Variants in TBL1XR1 observed in about 807,000 individuals in gnomAD.
The protein encoded by TBL1XR1 is TBL1X/Y related 1.
Under a neutral mutation model 66.9 loss-of-function variants are expected in TBL1XR1, and 5 were observed. That is an observed-to-expected ratio of 0.07 (90% CI 0.04 to 0.16). The LOEUF (loss-of-function observed/expected upper bound fraction) is 0.16. TBL1XR1 is among the 10% of genes least tolerant of loss of function. The pLI is 1.00. For synonymous variants in TBL1XR1, 210 were observed against 206.0 expected (o/e 1.02, Z -0.17); for missense variants, 238 against 623.2 (o/e 0.38, Z 6.58).
In TBL1XR1 at chr3:177,098,537, T is replaced by C. The variant is rs1043130128; in HGVS notation, c.-117A>G. On this transcript the variant is annotated 5_prime_UTR_variant, in exon 2 of 16. Transcript: ENST00000457928. Reference sequence around the variant, plus strand: ...ACCGCCAATCACAAGTTGCTGTTGTTGATGCTGAGGAAAAGGAAAGTAAAG... The same window carrying C: ...ACCGCCAATCACAAGTTGCTGTTGTCGATGCTGAGGAAAAGGAAAGTAAAG... 1.9e-5 allele frequency: 19 copies of C among 985,742 alleles called. No individual in the cohort carries two copies. Among genetic ancestry groups the C allele is most frequent in the Non-Finnish European group, 2.3e-5 (19 of 829,938 alleles). The allele number at this position is 985,742 out of a possible 1,614,324, so 61.1% of individuals were successfully genotyped here.
rs2108367698 is a variant in TBL1XR1 at position 177,023,936 on chromosome 3, A to C, written c.*1562T>G. 6.6e-6 allele frequency: 1 copy of C among 152,228 alleles called. No individual in the cohort carries two copies. Among genetic ancestry groups the C allele is most frequent in the East Asian group, 1.9e-4 (1 of 5,190 alleles). The allele number at this position is 152,228 out of a possible 1,614,324, so 9.4% of individuals were successfully genotyped here. On this transcript the variant is annotated 3_prime_UTR_variant, in exon 16 of 16. Coordinates refer to ENST00000457928, the MANE Select transcript of TBL1XR1 (RefSeq NM_024665.7). ...AGAAATGACATACCTGGATTATGTT[A>C]ATCATGACAAGCCTTATTAGTCACA...
At position 177,158,726 on chromosome 3, in the gene TBL1XR1, T is replaced by C. The variant is rs1423130585; in HGVS notation, c.-122+38395A>G. Among the ~76,000 whole-genome samples the C allele has an allele frequency of 5.9e-5, 9 of 152,186 alleles. 1 individual carries two copies. The highest frequency in any genetic ancestry group is 8.8e-5 in the Non-Finnish European group (6 of 68,042). On this transcript the variant is annotated intron_variant, in intron 1 of 15. Transcript: ENST00000457928. Reference sequence around the variant, plus strand: ...ATATAGATATGATTAGAAAATCATCTGTGGCGCTTTAGGGATTCTGTTTGA... The same window carrying C: ...ATATAGATATGATTAGAAAATCATCCGTGGCGCTTTAGGGATTCTGTTTGA...
intron 1 of TBL1XR1, among the ~76,000 whole-genome samples, chr3:177,116,226 C>T (rs1363357154): frequency 6.6e-6 from 1 of 152,116 alleles, no homozygotes; most frequent in Non-Finnish European, 1.5e-5. Context: ...CAATGCATTG[C>T]AAATTTTCTA....
intron 7 of TBL1XR1, 158 bp from the exon 8 acceptor site, chr3:177,047,707 C>A: frequency 1.5e-6 from 1 of 683,498 alleles, no homozygotes; most frequent in East Asian, 2.7e-5. Flanking sequence ...CCACTAAAGG[C>A]CTATGAAACC....
In TBL1XR1 at chr3:177,179,667, C is replaced by A. The variant is rs528272519; in HGVS notation, c.-122+17454G>T. ...GGCTTCAAACCAAGACCTTTAAATT[C>A]TACCATGTGCATTCACCATATTTAT... On this transcript the variant is annotated intron_variant, in intron 1 of 15. Transcript: ENST00000457928. Among the ~76,000 whole-genome samples, 5 of 152,286 alleles carry A rather than the reference C, an allele frequency of 3.3e-5. No individual in the cohort carries two copies. In the East Asian group the frequency reaches 9.6e-4, roughly 29 times the overall value.
chr3:177,109,601 A>G (rs1471519045), intron 1 of TBL1XR1, among the ~76,000 whole-genome samples: 2 of 152,156 alleles, frequency 1.3e-5, no homozygotes, highest in East Asian at 3.8e-4. Flanking sequence ...GTTACTATTA[A>G]TTCACCCACT....
At chr3:177,159,480 T>C (rs1041564772) in intron 1 of TBL1XR1, among the ~76,000 whole-genome samples, 1 of 152,180 alleles carries the variant, frequency 6.6e-6, no homozygotes, top group Non-Finnish European at 1.5e-5. Context: ...CACATATAAA[T>C]GACAAGCTTG....
chr3:177,103,927 C>T (rs1013338482), intron 1 of TBL1XR1, among the ~76,000 whole-genome samples: 1 of 152,020 alleles, frequency 6.6e-6, no homozygotes, highest in Admixed American at 6.6e-5. Flanking sequence ...ACCAGCCTGG[C>T]AAACATGGAG....
intron 1 of TBL1XR1, chr3:177,120,901 G>A (rs1427125556): frequency 6.6e-6 from 1 of 152,084 alleles, no homozygotes; most frequent in Non-Finnish European, 1.5e-5. Flanking sequence ...GAATTTACTG[G>A]TCATATTTTA....
intron 1 of TBL1XR1, among the ~76,000 whole-genome samples, chr3:177,135,375 A>ATATATG (rs1728864705): frequency 6.4e-5 from 2 of 31,406 alleles, no homozygotes; most frequent in South Asian, 1.8e-3. Flanking sequence ...ATATATATAT[A>ATATATG]TATATATGTA....
At chr3:177,153,787 G>T (rs1731174004) in intron 1 of TBL1XR1, among the ~76,000 whole-genome samples, 1 of 148,778 alleles carries the variant, frequency 6.7e-6, no homozygotes, top group Admixed American at 6.9e-5. Context: ...TGAGGCAGGA[G>T]AATCACTTGA....
rs6767227 is a variant in TBL1XR1, at chr3:177,094,796, A to G, written c.-46+3670T>C. ...GGAGGATGCAATAGCATAAGAATAT[A>G]CAATGGACCTTGTGGACTAGGGGGA... On this transcript the variant is annotated intron_variant, in intron 2 of 15. Transcript: ENST00000457928. 9.4e-3 allele frequency among the ~76,000 whole-genome samples: 1,428 copies of G among 152,140 alleles called. 22 individuals carry two copies. Among genetic ancestry groups the G allele is most frequent in the African/African-American group, 0.033 (1,358 of 41,480 alleles).
intron 1 of TBL1XR1, chr3:177,110,868 G>A (rs1725473461): frequency 6.6e-6 from 1 of 152,118 alleles, no homozygotes; most frequent in Non-Finnish European, 1.5e-5. Flanking sequence ...TTCTAGATAG[G>A]GTCCAGAAGA....
intron 10 of TBL1XR1, among the ~76,000 whole-genome samples, chr3:177,045,591 G>A (rs192818092): frequency 6.6e-6 from 1 of 152,112 alleles, no homozygotes; most frequent in East Asian, 1.9e-4. Flanking sequence ...CAACAACATT[G>A]GGAAAGTCTA....
intron 2 of TBL1XR1, among the ~76,000 whole-genome samples, chr3:177,092,602 A>C (rs1214749101): frequency 6.6e-6 from 1 of 152,210 alleles, no homozygotes; most frequent in African/African-American, 2.4e-5. Flanking sequence ...ACATCCATTA[A>C]GATGGGCACT....
intron 13 of TBL1XR1, among the ~76,000 whole-genome samples, chr3:177,033,677 CG>C (rs1479927496): frequency 2.6e-5 from 4 of 152,152 alleles, no homozygotes; most frequent in East Asian, 3.9e-4. Flanking sequence ...AAGGAACCGA[CG>C]TAAGTGCCCA....
chr3:177,088,692 T>A lies in TBL1XR1; in HGVS notation c.-46+9774A>T, dbSNP rs185335788. 1.3e-3 allele frequency among the ~76,000 whole-genome samples: 200 copies of A among 150,330 alleles called. 1 individual carries two copies. Among genetic ancestry groups the A allele is most frequent in the African/African-American group, 4.7e-3 (192 of 40,906 alleles). On this transcript the variant is annotated intron_variant, in intron 2 of 15. Coordinates refer to ENST00000457928, the MANE Select transcript of TBL1XR1 (RefSeq NM_024665.7). ...ATATAACTCCAATTTGTGTGTGCTC[T>A]GCTTTTCTTCATTTGTTTAAAAAAA...
intron 4 of TBL1XR1, among the ~76,000 whole-genome samples, chr3:177,051,969 T>C (rs1421719107): frequency 6.6e-6 from 1 of 152,132 alleles, no homozygotes; most frequent in Non-Finnish European, 1.5e-5. Context: ...GCTGTACAGA[T>C]AGAGCTGAAA....
At chr3:177,026,259 T>A in intron 15 of TBL1XR1, 114 bp downstream of exon 15, 1 of 821,148 alleles carries the variant, frequency 1.2e-6, no homozygotes, top group African/African-American at 1.8e-5. Context: ...AAAAAATCAG[T>A]ATCATACCTT....
Sources: gnomAD v4.1 joint callset for allele counts (sites outside exome capture counted in the v4.1 genomes callset) on GRCh38, gnomAD v4.1.1 for gene constraint, MANE v1.5 for transcripts, NCBI Gene and HGNC (gene_info 2026-07-23, HGNC 2026-07-21) for gene names.